MITF: variants seen among roughly 807,000 people sequenced by gnomAD.
The protein encoded by MITF is microphthalmia-associated transcription factor.
In MITF, 17 loss-of-function variants were observed where a neutral mutation model predicts 60.5. The observed-to-expected ratio is 0.28, with a 90% confidence interval of 0.19 to 0.42. The LOEUF is 0.42. Among genes scored for constraint, MITF ranks in the 10% least tolerant of loss-of-function variants. MITF has a pLI of 1.00. For missense variants in MITF, 622 were observed against 683.5 expected (o/e 0.91, Z 1.00); for synonymous variants, 260 against 248.5 (o/e 1.05, Z -0.43).
intron 1 of MITF, among the ~76,000 whole-genome samples, chr3:69,838,197 T>G (rs2063569019): frequency 6.6e-6 from 1 of 152,186 alleles, no homozygotes; most frequent in Non-Finnish European, 1.5e-5. Context: ...AAAGATGGTT[T>G]GTCAAGTAGG....
intron 2 of MITF, among the ~76,000 whole-genome samples, chr3:69,890,881 A>G (rs1364041519): frequency 6.6e-6 from 1 of 152,202 alleles, no homozygotes; most frequent in African/African-American, 2.4e-5. Flanking sequence ...TGTGTTCTTC[A>G]TATAATACTA....
intron 1 of MITF, among the ~76,000 whole-genome samples, chr3:69,805,851 A>C (rs748641765): frequency 7.2e-5 from 11 of 151,926 alleles, no homozygotes; most frequent in Non-Finnish European, 1.5e-4. Flanking sequence ...TGTGGAGACA[A>C]GATCTTTCTA....
chr3:69,763,956 T>C, intron 1 of MITF: 2 of 1,346,222 alleles, frequency 1.5e-6, no homozygotes, highest in Non-Finnish European at 2.0e-6. Context: ...ATACAGATGA[T>C]AACCAAAGTA....
intron 2 of MITF, among the ~76,000 whole-genome samples, chr3:69,923,826 C>A (rs900212710): frequency 6.6e-6 from 1 of 152,150 alleles, no homozygotes; most frequent in East Asian, 1.9e-4. Context: ...GGTGTGTCCT[C>A]CCTTTACAGA....
At chr3:69,794,096 T>G (rs565305832) in intron 1 of MITF, among the ~76,000 whole-genome samples, 4 of 152,184 alleles carry the variant, frequency 2.6e-5, no homozygotes, top group Admixed American at 2.6e-4. Flanking sequence ...CTCTTTCCTC[T>G]CCTAGTATCT....
intron 2 of MITF, 56 bp from the exon 3 acceptor site, chr3:69,937,766 G>C: frequency 6.9e-7 from 1 of 1,459,812 alleles, no homozygotes; most frequent in Non-Finnish European, 9.6e-7. Flanking sequence ...AGGAAGAGCC[G>C]TCTGAAACTC....
rs550540829 is a variant in MITF at position 69,915,680 on chromosome 3, A to G, written c.355-22142A>G. 8.9e-4 allele frequency among the ~76,000 whole-genome samples: 135 copies of G among 152,292 alleles called. 1 individual carries two copies. The highest frequency in any genetic ancestry group is 6.6e-3 in the South Asian group (32 of 4,818). On this transcript the variant is annotated intron_variant, in intron 2 of 9. Transcript: ENST00000352241. The stretch of plus-strand genomic sequence containing the variant: ...TGACAGGGTATTGGGTTACCTGCTG[A>G]GTTGCTAGGCAGTAAGAAGACCAGG...
At chr3:69,913,682 A>G (rs959405568) in intron 2 of MITF, among the ~76,000 whole-genome samples, 17 of 152,170 alleles carry the variant, frequency 1.1e-4, no homozygotes, top group Non-Finnish European at 2.4e-4. Context: ...TTGGACAGGA[A>G]GGGAGAGCCA....
At chr3:69,883,415 A>G (rs926084772) in intron 2 of MITF, among the ~76,000 whole-genome samples, 1 of 152,174 alleles carries the variant, frequency 6.6e-6, no homozygotes, top group African/African-American at 2.4e-5. Flanking sequence ...ACCCTCTTTC[A>G]AAAACTGACA....
chr3:69,763,669 C>T (rs1353942187), intron 1 of MITF: 31 of 1,261,926 alleles, frequency 2.5e-5, no homozygotes, highest in East Asian at 3.9e-5. Flanking sequence ...CTCAATGTTC[C>T]GCCAAAGGGC....
At chr3:69,775,172 A>G (rs780625680) in intron 1 of MITF, among the ~76,000 whole-genome samples, 3 of 151,938 alleles carry the variant, frequency 2.0e-5, no homozygotes, top group Middle Eastern at 3.2e-3. Flanking sequence ...TAATTATTCT[A>G]TATGCATCCG....
intron 1 of MITF, among the ~76,000 whole-genome samples, chr3:69,788,200 A>T (rs542347122): frequency 1.3e-4 from 19 of 150,526 alleles, no homozygotes; most frequent in Non-Finnish European, 2.4e-4. Context: ...TTTGTTACAT[A>T]TGTATACATG....
chr3:69,955,758 G>A (rs2066381288), intron 7 of MITF, among the ~76,000 whole-genome samples: 1 of 151,998 alleles, frequency 6.6e-6, no homozygotes. Flanking sequence ...AGGTCGCAGT[G>A]AGCTGAGATC....
Position 69,965,367 on chromosome 3 carries a change from C to A in MITF, c.*119C>A. 1 of 1,021,408 alleles carries A rather than the reference C, an allele frequency of 9.8e-7. No individual in the cohort carries two copies. The highest frequency in any genetic ancestry group is 1.4e-6 in the Non-Finnish European group (1 of 693,914). The allele number at this position is 1,021,408 out of a possible 1,614,324, so 63.3% of individuals were successfully genotyped here. A position where few individuals can be genotyped will look rare whatever the true frequency, so the allele number is the denominator to read the frequency against. On this transcript the variant is annotated 3_prime_UTR_variant, in exon 10 of 10. Coordinates refer to ENST00000352241, the MANE Select transcript of MITF (RefSeq NM_001354604.2). ...CTTTAATATGAAATTTTTTTTCATG[C>A]TTTATCAATAGCCCAGGATATATTT...
At chr3:69,821,690 T>TAAAAAAAAAAAAAAAAAAAAAAAAAAA (rs72371556) in intron 1 of MITF, among the ~76,000 whole-genome samples, 5 of 113,248 alleles carry the variant, frequency 4.4e-5, no homozygotes, top group Non-Finnish European at 7.1e-5. Context: ...AAAAAAAAAC[T>TAAAAAAAAAAAAAAAAAAAAAAAAAAA]AAAAAAAAAA....
At chr3:69,758,410 A>G (rs933753816) in intron 1 of MITF, among the ~76,000 whole-genome samples, 2 of 151,974 alleles carry the variant, frequency 1.3e-5, no homozygotes, top group African/African-American at 4.8e-5. Flanking sequence ...GCCTCAAGCA[A>G]TCCTCCTGCC....
chr3:69,759,020 A>G (rs959115841), intron 1 of MITF, among the ~76,000 whole-genome samples: 18 of 152,266 alleles, frequency 1.2e-4, no homozygotes, highest in African/African-American at 3.9e-4. Context: ...TGCTAAAGAT[A>G]CAGACTGCTA....
At chr3:69,809,893 C>T (rs536395935) in intron 1 of MITF, among the ~76,000 whole-genome samples, 2 of 152,242 alleles carry the variant, frequency 1.3e-5, no homozygotes, top group East Asian at 1.9e-4. Context: ...CTCTCTTATG[C>T]GTCTCTCTTC....
At chr3:69,955,374 A>G (rs903773504) in intron 7 of MITF, among the ~76,000 whole-genome samples, 1 of 152,338 alleles carries the variant, frequency 6.6e-6, no homozygotes, top group African/African-American at 2.4e-5. Flanking sequence ...TGTTAATTTC[A>G]TGTCTTTCTT....
Sources: gnomAD v4.1 joint callset for allele counts (sites outside exome capture counted in the v4.1 genomes callset) on GRCh38, gnomAD v4.1.1 for gene constraint, MANE v1.5 for transcripts, NCBI Gene and HGNC (gene_info 2026-07-23, HGNC 2026-07-21) for gene names.